The following PLXDC2 variants were observed in gnomAD, a reference collection of about 807,000 sequenced individuals.
PLXDC2 encodes the protein plexin domain containing 2, also known as plexin domain-containing protein 2.
Under a neutral mutation model 68.9 loss-of-function variants are expected in PLXDC2, and 40 were observed. That is an observed-to-expected ratio of 0.58 (90% CI 0.45 to 0.76). The LOEUF is 0.76. Ranked by LOEUF, PLXDC2 falls within the 30% of genes least tolerant of loss-of-function variation. PLXDC2 has a pLI of 0.00. For missense variants in PLXDC2, 644 were observed against 661.9 expected, an observed-to-expected ratio of 0.97 and a Z score of 0.30; for synonymous variants, 243 against 234.2, an observed-to-expected ratio of 1.04 and a Z score of -0.34.
intron 1 of PLXDC2, among the ~76,000 whole-genome samples, chr10:19,858,952 G>T (rs1168673622): frequency 6.6e-6 from 1 of 151,800 alleles, no homozygotes; most frequent in Non-Finnish European, 1.5e-5. Flanking sequence ...TCTGATGAAG[G>T]CTTCAGGAAG....
intron 13 of PLXDC2, among the ~76,000 whole-genome samples, chr10:20,250,679 A>G (rs1473689831): frequency 2.6e-5 from 4 of 152,198 alleles, no homozygotes; most frequent in African/African-American, 9.7e-5. Flanking sequence ...GTTTTTCTTC[A>G]TATGCTGTAT....
chr10:20,192,795 GT>G (rs1834784759), intron 9 of PLXDC2, among the ~76,000 whole-genome samples: 1 of 151,988 alleles, frequency 6.6e-6, no homozygotes, highest in Non-Finnish European at 1.5e-5. Flanking sequence ...ATACACCTAA[GT>G]TATCTAAAAT....
chr10:20,046,826 A>C, intron 2 of PLXDC2, 43 bp from the exon 3 acceptor site: 1 of 1,543,126 alleles, frequency 6.5e-7, no homozygotes. Flanking sequence ...ATTGTAGGTA[A>C]AACATCTCGG....
At chr10:20,040,923 T>C (rs1835671124) in intron 2 of PLXDC2, among the ~76,000 whole-genome samples, 1 of 152,244 alleles carries the variant, frequency 6.6e-6, no homozygotes, top group South Asian at 2.1e-4. Flanking sequence ...TTTATTTTTG[T>C]ACTTTCCGAT....
intron 12 of PLXDC2, among the ~76,000 whole-genome samples, chr10:20,221,378 C>T (rs920561134): frequency 6.6e-6 from 1 of 152,204 alleles, no homozygotes; most frequent in African/African-American, 2.4e-5. Context: ...AGAGAGTCAA[C>T]TGTTGGATTC....
intron 4 of PLXDC2, among the ~76,000 whole-genome samples, chr10:20,110,837 G>A (rs907661746): frequency 6.6e-6 from 1 of 151,814 alleles, no homozygotes; most frequent in African/African-American, 2.4e-5. Flanking sequence ...GTTTTTGATC[G>A]GCCTTGCTCT....
intron 1 of PLXDC2, among the ~76,000 whole-genome samples, chr10:19,817,919 C>T (rs938140021): frequency 6.6e-6 from 1 of 152,200 alleles, no homozygotes; most frequent in African/African-American, 2.4e-5. Flanking sequence ...CCTCCGCATC[C>T]TCTTAGTGGC....
chr10:20,149,798 G>A (rs10827971), intron 6 of PLXDC2, among the ~76,000 whole-genome samples: 45,745 of 151,824 alleles, frequency 0.3, 7,559 homozygotes, highest in East Asian at 0.51. Flanking sequence ...TATGTACCTG[G>A]TTTTCTTTAT....
chr10:19,994,744 A>AT (rs202073639), intron 1 of PLXDC2, among the ~76,000 whole-genome samples: 4,879 of 149,076 alleles, frequency 0.033, 104 homozygotes, highest in South Asian at 0.096. Flanking sequence ...TCATTTATTG[A>AT]TTTTTTTTTT....
intron 7 of PLXDC2, among the ~76,000 whole-genome samples, chr10:20,170,820 G>C (rs914595103): frequency 1.3e-5 from 2 of 151,630 alleles, no homozygotes; most frequent in African/African-American, 2.4e-5. Flanking sequence ...ATGTTGGATA[G>C]GGTAACAATA....
intron 1 of PLXDC2, among the ~76,000 whole-genome samples, chr10:19,977,673 G>A (rs986604198): frequency 6.6e-6 from 1 of 152,096 alleles, no homozygotes; most frequent in Admixed American, 6.6e-5. Flanking sequence ...CAGATTTGAT[G>A]TCTGGTGAGG....
chr10:19,844,400 G>A (rs1466742158), intron 1 of PLXDC2, among the ~76,000 whole-genome samples: 1 of 152,082 alleles, frequency 6.6e-6, no homozygotes, highest in Non-Finnish European at 1.5e-5. Flanking sequence ...TGAAGTCTGT[G>A]CCTGAATGGG....
chr10:20,044,223 T>A (rs1160722214), intron 2 of PLXDC2, among the ~76,000 whole-genome samples: 1 of 29,580 alleles, frequency 3.4e-5, no homozygotes, highest in Admixed American at 4.0e-4. Context: ...CTTTCTTTCT[T>A]TCTTTCTTTC....
chr10:20,267,979 TG>T (rs1428434059), intron 13 of PLXDC2, among the ~76,000 whole-genome samples: 4 of 152,116 alleles, frequency 2.6e-5, no homozygotes, highest in African/African-American at 9.7e-5. Flanking sequence ...AAAGCTTCTG[TG>T]GAGGTTACAT....
rs1483543002 is a variant in PLXDC2, at chr10:19,916,118, G to T, written c.113-85657G>T. Among the ~76,000 whole-genome samples the T allele has an allele frequency of 2.7e-5, 4 of 147,702 alleles. No homozygotes were observed. In the East Asian group the frequency reaches 8.1e-4, roughly 30 times the overall value. ...ATATTTACGGGGAAATTATGTGGAG[G>T]GAGTTGTGTTTTGTTTTGTTTTTTT... On this transcript the variant is annotated intron_variant, in intron 1 of 13. Coordinates refer to ENST00000377252, the MANE Select transcript of PLXDC2 (RefSeq NM_032812.9).
chr10:19,900,551 G>A (rs1251288101), intron 1 of PLXDC2, among the ~76,000 whole-genome samples: 1 of 152,066 alleles, frequency 6.6e-6, no homozygotes, highest in African/African-American at 2.4e-5. Flanking sequence ...CATCCACATA[G>A]TTTTGGAAAT....
intron 1 of PLXDC2, among the ~76,000 whole-genome samples, chr10:19,828,971 G>T (rs1229851583): frequency 2.0e-5 from 3 of 151,998 alleles, no homozygotes; most frequent in Non-Finnish European, 2.9e-5. Flanking sequence ...ATCTGACTGT[G>T]TCCCTCCTCT....
At chr10:20,017,977 AC>A (rs1190737051) in intron 2 of PLXDC2, among the ~76,000 whole-genome samples, 11 of 152,338 alleles carry the variant, frequency 7.2e-5, no homozygotes, top group Admixed American at 5.9e-4. Flanking sequence ...GACAGCCATT[AC>A]CCAGCTGTGG....
chr10:19,975,236 C>T (rs1194869067), intron 1 of PLXDC2, among the ~76,000 whole-genome samples: 8 of 151,934 alleles, frequency 5.3e-5, no homozygotes, highest in Admixed American at 3.3e-4. Context: ...GGGCGGATCA[C>T]GAGGTCAGGA....
Sources: allele counts gnomAD v4.1 joint callset (sites outside exome capture counted in the v4.1 genomes callset), GRCh38; gene constraint gnomAD v4.1.1; transcripts MANE v1.5; gene names NCBI Gene and HGNC (gene_info 2026-07-23, HGNC 2026-07-21).